The following OXCT1 variants were observed in gnomAD, a reference collection of about 807,000 sequenced individuals.
The protein encoded by OXCT1 is 3-oxoacid CoA-transferase 1.
OXCT1 carries 27 observed loss-of-function variants against 69.6 expected under a neutral mutation model. The observed-to-expected ratio is 0.39, with a 90% confidence interval of 0.29 to 0.54. OXCT1 has a LOEUF of 0.54. OXCT1 is among the 20% of genes least tolerant of loss of function. OXCT1 has a pLI of 0.72. For missense variants in OXCT1, 437 were observed against 650.2 expected, an observed-to-expected ratio of 0.67 and a Z score of 3.57; for synonymous variants, 202 against 217.8, an observed-to-expected ratio of 0.93 and a Z score of 0.64.
intron 9 of OXCT1, among the ~76,000 whole-genome samples, chr5:41,803,969 C>T (rs1361391671): frequency 6.6e-6 from 1 of 152,034 alleles, no homozygotes; most frequent in Non-Finnish European, 1.5e-5. Context: ...ACAACAAATA[C>T]CTCACCAGAA....
At position 41,759,679 on chromosome 5, in the gene OXCT1, C is replaced by G. The variant is rs551244802; in HGVS notation, c.1338+2432G>C. Among the ~76,000 whole-genome samples, 7 of 152,114 alleles carry G rather than the reference C, an allele frequency of 4.6e-5. No homozygotes were observed. The East Asian group carries it at 1.4e-3, about 29-fold the overall frequency. On this transcript the variant is annotated intron_variant, in intron 14 of 16. Transcript: ENST00000196371. ...AAGAGTTTCCTTTGTCTTATTAAAA[C>G]AACAACAAAAAACACATTTTTACAA...
chr5:41,745,374 C>A (rs963075457), intron 15 of OXCT1, among the ~76,000 whole-genome samples: 4 of 152,016 alleles, frequency 2.6e-5, no homozygotes, highest in African/African-American at 9.7e-5. Context: ...ACACAACATA[C>A]CAGAATCTCT....
intron 7 of OXCT1, among the ~76,000 whole-genome samples, chr5:41,815,585 T>C (rs1451000678): frequency 6.6e-6 from 1 of 152,150 alleles, no homozygotes; most frequent in Non-Finnish European, 1.5e-5. Context: ...CATATCTCTT[T>C]TAAAAAAGAA....
At chr5:41,752,312 G>T (rs1342060143) in intron 14 of OXCT1, among the ~76,000 whole-genome samples, 1 of 152,020 alleles carries the variant, frequency 6.6e-6, no homozygotes, top group African/African-American at 2.4e-5. Flanking sequence ...GAAATGTTCT[G>T]AAACTGCAAT....
intron 1 of OXCT1, among the ~76,000 whole-genome samples, chr5:41,869,594 G>A (rs1465052126): frequency 6.6e-6 from 1 of 152,188 alleles, no homozygotes; most frequent in Non-Finnish European, 1.5e-5. Flanking sequence ...GAGGGGCCTC[G>A]AGAGAAAGGT....
At chr5:41,799,010 TATA>T (rs1746306516) in intron 11 of OXCT1, among the ~76,000 whole-genome samples, 2 of 152,228 alleles carry the variant, frequency 1.3e-5, no homozygotes, top group Admixed American at 1.3e-4. Context: ...GTTCCAATGG[TATA>T]ATACATGTGA....
intron 1 of OXCT1, among the ~76,000 whole-genome samples, chr5:41,863,114 T>C (rs890649114): frequency 6.6e-6 from 1 of 152,202 alleles, no homozygotes; most frequent in African/African-American, 2.4e-5. Flanking sequence ...TTATTGTGAC[T>C]AATGTCTCAT....
chr5:41,867,594 T>C (rs1280175328), intron 1 of OXCT1, among the ~76,000 whole-genome samples: 1 of 152,210 alleles, frequency 6.6e-6, no homozygotes, highest in Non-Finnish European at 1.5e-5. Flanking sequence ...ACTGGATGGA[T>C]ACTGGTGCTG....
intron 13 of OXCT1, among the ~76,000 whole-genome samples, chr5:41,773,062 CA>C (rs1744952339): frequency 6.6e-6 from 1 of 152,144 alleles, no homozygotes; most frequent in African/African-American, 2.4e-5. Flanking sequence ...CTTTCAACAC[CA>C]AAACCAGTTA....
intron 13 of OXCT1, among the ~76,000 whole-genome samples, chr5:41,771,178 A>C (rs2112138679): frequency 6.6e-6 from 1 of 152,270 alleles, no homozygotes; most frequent in African/African-American, 2.4e-5. Flanking sequence ...TAATTACACC[A>C]ATTTCTCTCA....
intron 11 of OXCT1, among the ~76,000 whole-genome samples, chr5:41,797,075 G>A (rs1335529690): frequency 6.6e-6 from 1 of 152,196 alleles, no homozygotes; most frequent in African/African-American, 2.4e-5. Flanking sequence ...AGTCCTGTGG[G>A]AAGTCAAGGA....
intron 7 of OXCT1, among the ~76,000 whole-genome samples, chr5:41,838,553 C>T (rs561536618): frequency 2.0e-4 from 30 of 152,122 alleles, no homozygotes; most frequent in African/African-American, 7.2e-4. Flanking sequence ...CTAATCAATA[C>T]AGTAATCACT....
intron 5 of OXCT1, among the ~76,000 whole-genome samples, chr5:41,845,813 G>A (rs1407681617): frequency 1.3e-5 from 2 of 151,924 alleles, no homozygotes; most frequent in Admixed American, 1.3e-4. Context: ...TAACAATTAG[G>A]CTCCTGTCTT....
chr5:41,736,598 G>T (rs1742895950), intron 16 of OXCT1, among the ~76,000 whole-genome samples: 1 of 151,984 alleles, frequency 6.6e-6, no homozygotes, highest in Admixed American at 6.6e-5. Flanking sequence ...ATCTGATGCT[G>T]TCATATTTAG....
At chr5:41,783,867 C>T (rs1745527838) in intron 13 of OXCT1, among the ~76,000 whole-genome samples, 1 of 152,136 alleles carries the variant, frequency 6.6e-6, no homozygotes, top group Non-Finnish European at 1.5e-5. Flanking sequence ...ATATGAAGCA[C>T]AGCAAGGAGA....
intron 15 of OXCT1, among the ~76,000 whole-genome samples, chr5:41,743,166 C>T (rs1489739252): frequency 6.6e-6 from 1 of 152,150 alleles, no homozygotes; most frequent in African/African-American, 2.4e-5. Context: ...TTAATGATTG[C>T]CATTCTAACT....
chr5:41,823,155 C>A (rs1304189397), intron 7 of OXCT1, among the ~76,000 whole-genome samples: 1 of 152,158 alleles, frequency 6.6e-6, no homozygotes, highest in Non-Finnish European at 1.5e-5. Context: ...ACAGGTAGTG[C>A]AAATATCTTA....
At chr5:41,794,884 TG>T (rs1202636998) in intron 11 of OXCT1, 135 bp from the exon 12 acceptor site, 34 of 852,700 alleles carry the variant, frequency 4.0e-5, no homozygotes, top group Non-Finnish European at 5.8e-5. Context: ...ACATAGCAGG[TG>T]GGGGGACACA....
At chr5:41,851,656 TA>T in intron 4 of OXCT1, among the ~76,000 whole-genome samples, 1 of 151,930 alleles carries the variant, frequency 6.6e-6, no homozygotes, top group Non-Finnish European at 1.5e-5. Flanking sequence ...CAGTGTTTAC[TA>T]ACGGGCCACT....
Sources: gnomAD v4.1 joint callset for allele counts (sites outside exome capture counted in the v4.1 genomes callset) on GRCh38, gnomAD v4.1.1 for gene constraint, MANE v1.5 for transcripts, NCBI Gene and HGNC (gene_info 2026-07-23, HGNC 2026-07-21) for gene names.